DPF3: variants seen among roughly 807,000 people sequenced by gnomAD.
DPF3 encodes the protein zinc finger protein DPF3.
Under a neutral mutation model 56.8 loss-of-function variants are expected in DPF3, and 18 were observed. The observed-to-expected ratio is 0.32, with a 90% CI of 0.22 to 0.47. The LOEUF is 0.47. Among genes scored for constraint, DPF3 ranks in the 20% least tolerant of loss-of-function variants. DPF3 has a pLI of 1.00. For synonymous variants in DPF3, 188 were observed against 180.2 expected (o/e 1.04, Z -0.35); for missense variants, 403 against 488.8 (o/e 0.82, Z 1.65).
chr14:72,811,790 T>C (rs1157393381), intron 1 of DPF3, among the ~76,000 whole-genome samples: 1 of 152,150 alleles, frequency 6.6e-6, no homozygotes, highest in Non-Finnish European at 1.5e-5. Context: ...TTGTCTCTTG[T>C]AGATCCCCCC....
chr14:72,657,258 A>G (rs1467324744), intron 8 of DPF3, among the ~76,000 whole-genome samples: 1 of 152,196 alleles, frequency 6.6e-6, no homozygotes, highest in Non-Finnish European at 1.5e-5. Context: ...ATTGTCTCCT[A>G]TCATTTGTCT....
At chr14:72,806,249 T>G (rs1882777144) in intron 1 of DPF3, among the ~76,000 whole-genome samples, 1 of 152,148 alleles carries the variant, frequency 6.6e-6, no homozygotes, top group Non-Finnish European at 1.5e-5. Context: ...GACTAATTTC[T>G]TCCTTCTTGC....
At position 72,830,308 on chromosome 14, in the gene DPF3, A is replaced by C. The variant is rs116384303; in HGVS notation, c.33-58415T>G. ...GGGGAGCTGTGGGCAAAATTGCACCAGTTCAGAACCACTGAATTTTTTAAA... is the reference window on the plus strand; with the variant it reads ...GGGGAGCTGTGGGCAAAATTGCACCCGTTCAGAACCACTGAATTTTTTAAA... On this transcript the variant is annotated intron_variant, in intron 1 of 10. Coordinates refer to ENST00000556509, the MANE Select transcript of DPF3 (RefSeq NM_001280542.3). 7.3e-3 allele frequency among the ~76,000 whole-genome samples: 1,107 copies of C among 152,342 alleles called. 12 individuals are homozygous for C. The highest frequency in any genetic ancestry group is 0.026 in the African/African-American group (1,061 of 41,564).
chr14:72,757,644 A>G lies in DPF3; in HGVS notation c.194-4273T>C, dbSNP rs528346385. On this transcript the variant is annotated intron_variant, in intron 2 of 10. Coordinates refer to ENST00000556509, the MANE Select transcript of DPF3 (RefSeq NM_001280542.3). Reference sequence around the variant, plus strand: ...ACAATTTAAAATACAATTTAAAAAAATACAATATAATACCTATTTACATAG... The same window carrying G: ...ACAATTTAAAATACAATTTAAAAAAGTACAATATAATACCTATTTACATAG... Among the ~76,000 whole-genome samples, 30 of 152,310 alleles carry G rather than the reference A, an allele frequency of 2.0e-4. No homozygotes were observed. The South Asian group carries it at 3.9e-3, about 20-fold the overall frequency.
At chr14:72,686,679 C>T (rs1007116397) in intron 7 of DPF3, among the ~76,000 whole-genome samples, 2 of 152,206 alleles carry the variant, frequency 1.3e-5, no homozygotes, top group Non-Finnish European at 2.9e-5. Context: ...AATAATTTCT[C>T]TAAAGAACAC....
rs148179179 is a variant in DPF3, at chr14:72,677,466, T to C, written c.743-3098A>G. ...CATATCAGTCATGCCCTGGGGAGGG[T>C]ACTGTTGATATCACCATTATGACCC... On this transcript the variant is annotated intron_variant, in intron 7 of 10. Transcript: ENST00000556509. Among the ~76,000 whole-genome samples, 471 of 152,208 alleles carry C rather than the reference T, an allele frequency of 3.1e-3. 3 individuals are homozygous for C. Among genetic ancestry groups the C allele is most frequent in the African/African-American group, 0.011 (445 of 41,522 alleles).
intron 1 of DPF3, among the ~76,000 whole-genome samples, chr14:72,795,998 A>G (rs550941999): frequency 1.3e-5 from 2 of 152,324 alleles, no homozygotes; most frequent in African/African-American, 4.8e-5. Context: ...CTGCCTTCCA[A>G]TTCTGTGTAT....
At chr14:72,862,445 T>C (rs753220942) in intron 1 of DPF3, among the ~76,000 whole-genome samples, 8 of 152,094 alleles carry the variant, frequency 5.3e-5, no homozygotes, top group East Asian at 3.9e-4. Context: ...ACCTTCAAAA[T>C]GTACTCAGAA....
chr14:72,875,118 C>T (rs1886062321), intron 1 of DPF3, among the ~76,000 whole-genome samples: 1 of 152,184 alleles, frequency 6.6e-6, no homozygotes, highest in South Asian at 2.1e-4. Flanking sequence ...ACAAAAATAG[C>T]ATGGGAAAGA....
At chr14:72,763,266 T>C (rs755255248) in intron 2 of DPF3, among the ~76,000 whole-genome samples, 5 of 152,014 alleles carry the variant, frequency 3.3e-5, no homozygotes, top group Non-Finnish European at 5.9e-5. Flanking sequence ...AAAATCCATA[T>C]AGAAGTGCAA....
At chr14:72,709,099 C>A (rs1369779561) in intron 6 of DPF3, among the ~76,000 whole-genome samples, 2 of 152,200 alleles carry the variant, frequency 1.3e-5, no homozygotes, top group Admixed American at 6.5e-5. Context: ...GGGAAGAGAC[C>A]CTAGACCCTA....
At chr14:72,676,160 A>G (rs1343434391) in intron 7 of DPF3, among the ~76,000 whole-genome samples, 1 of 152,172 alleles carries the variant, frequency 6.6e-6, no homozygotes, top group Non-Finnish European at 1.5e-5. Flanking sequence ...GATAGGGTAT[A>G]CTAAATTTAG....
rs368974268 is a variant in DPF3 at position 72,674,356 on chromosome 14, G to A, written c.755C>T (p.Pro252Leu). The A allele has an allele frequency of 1.1e-5, 17 of 1,612,402 alleles. No individual in the cohort carries two copies. Among genetic ancestry groups the A allele is most frequent in the African/African-American group, 2.7e-5 (2 of 74,792 alleles). ...GTTATTGGGAATGACTGTTCCATCC[G>A]GTCCTTTCTGGGCTGTGGGAACATT... The part of the protein sequence containing the change: ...RNENHRPQKG[P>L]DGTVIPNNYC... Residue 252 changes from proline (P) to leucine (L), a missense_variant, in exon 8 of 11, where the codon CCG becomes CTG. By Grantham distance (98) the Pro-to-Leu change is moderately conservative. Coordinates refer to ENST00000556509, the MANE Select transcript of DPF3 (RefSeq NM_001280542.3).
intron 1 of DPF3, among the ~76,000 whole-genome samples, chr14:72,787,680 T>C (rs1038564016): frequency 1.3e-5 from 2 of 152,168 alleles, no homozygotes; most frequent in African/African-American, 4.8e-5. Context: ...GCTTGGCTGA[T>C]AAATGATAAA....
rs532208393 is a variant in DPF3 at position 72,844,734 on chromosome 14, C to T, written c.32+49323G>A. Among the ~76,000 whole-genome samples the T allele has an allele frequency of 5.3e-5, 8 of 152,324 alleles. No individual in the cohort carries two copies. In the South Asian group the frequency reaches 1.4e-3, roughly 28 times the overall value. On this transcript the variant is annotated intron_variant, in intron 1 of 10. Transcript: ENST00000556509. ...TTGACTCAGAATGCCCTGGGAATGA[C>T]GTGGTCAAGGCACAGACTGTGCATT...
intron 1 of DPF3, among the ~76,000 whole-genome samples, chr14:72,809,589 T>C (rs1446613944): frequency 6.6e-6 from 1 of 152,216 alleles, no homozygotes. Flanking sequence ...TTCAGAACCC[T>C]GCATGTGGCT....
chr14:72,635,656 C>T (rs1038456246), intron 8 of DPF3, among the ~76,000 whole-genome samples: 5 of 152,230 alleles, frequency 3.3e-5, no homozygotes, highest in Admixed American at 2.6e-4. Context: ...ACCTAAGTCA[C>T]TTACTAGTCA....
intron 3 of DPF3, among the ~76,000 whole-genome samples, chr14:72,739,875 C>G (rs923125139): frequency 3.9e-5 from 6 of 152,140 alleles, no homozygotes; most frequent in Non-Finnish European, 7.3e-5. Context: ...AAATCCCGGC[C>G]CTCATAGAAT....
chr14:72,628,716 A>G (rs1884986986), intron 9 of DPF3, among the ~76,000 whole-genome samples: 1 of 138,092 alleles, frequency 7.2e-6, no homozygotes, highest in African/African-American at 2.9e-5. Flanking sequence ...AAAAAGAGAC[A>G]GACAATCTGA....
Sources: allele counts gnomAD v4.1 joint callset (sites outside exome capture counted in the v4.1 genomes callset), GRCh38; gene constraint gnomAD v4.1.1; transcripts MANE v1.5; gene names NCBI Gene and HGNC (gene_info 2026-07-23, HGNC 2026-07-21).